The following TNFRSF9 variants were observed in gnomAD, a reference collection of about 807,000 sequenced individuals.
TNFRSF9 encodes tumor necrosis factor receptor superfamily member 9.
A neutral mutation model predicts 28.8 loss-of-function variants in TNFRSF9; 16 were observed. The ratio of observed to expected loss-of-function variants is 0.55; its 90% CI spans 0.38 to 0.84. TNFRSF9 has a LOEUF of 0.84. Ranked by LOEUF, TNFRSF9 falls within the 40% of genes least tolerant of loss-of-function variation. The pLI, the probability that TNFRSF9 is intolerant of heterozygous loss-of-function variation, is 0.00. For synonymous variants in TNFRSF9, 131 were observed against 117.0 expected (o/e 1.12, Z -0.77); for missense variants, 303 against 315.0 (o/e 0.96, Z 0.29).
chr1:7,928,962 C>T (rs9658012), intron 7 of TNFRSF9, among the ~76,000 whole-genome samples: 19,068 of 151,832 alleles, frequency 0.13, 1,542 homozygotes, highest in Non-Finnish European at 0.16. Context: ...CAGGGAAGGC[C>T]GTGAAGGGGG....
At position 7,920,663 on chromosome 1, in the gene TNFRSF9, AGTG is replaced by A; in HGVS notation, c.*169_*171del. Reference sequence around the variant, plus strand: ...GAGACCCTGTCAAAAAAAAAAAAAAAGTGGTGCATTTTTAAAGGCCAACTCATT... The same window carrying A: ...GAGACCCTGTCAAAAAAAAAAAAAAAGTGCATTTTTAAAGGCCAACTCATT... On this transcript the variant is annotated 3_prime_UTR_variant, in exon 8 of 8. Transcript: ENST00000377507. 3 of 560,510 alleles carry A rather than the reference AGTG, an allele frequency of 5.4e-6. No individual in the cohort carries two copies. The highest frequency in any genetic ancestry group is 3.1e-5 in the East Asian group (1 of 31,976). The allele number at this position is 560,510 out of a possible 1,614,324, so 34.7% of individuals were successfully genotyped here. A position where few individuals can be genotyped will look rare whatever the true frequency, so the allele number is the denominator to read the frequency against.
chr1:7,940,459 C>T (rs76594232), intron 1 of TNFRSF9, among the ~76,000 whole-genome samples: 1 of 152,172 alleles, frequency 6.6e-6, no homozygotes, highest in African/African-American at 2.4e-5. Flanking sequence ...GGGCATCAGA[C>T]AATTCAGTTC....
chr1:7,929,965 A>AT (rs1639708831), intron 7 of TNFRSF9, among the ~76,000 whole-genome samples: 1 of 88,138 alleles, frequency 1.1e-5, no homozygotes, highest in African/African-American at 4.4e-5. Flanking sequence ...ACGACCTAAA[A>AT]CCTTTTTTTT....
intron 5 of TNFRSF9, 41 bp from the exon 6 acceptor site, chr1:7,935,184 G>A: frequency 1.3e-6 from 2 of 1,596,448 alleles, no homozygotes; most frequent in Non-Finnish European, 1.7e-6. Context: ...AATTAACTTA[G>A]GTCCAGAAGA....
intron 4 of TNFRSF9, 31 bp downstream of exon 4, chr1:7,938,162 A>C (rs769048069): frequency 6.5e-7 from 1 of 1,534,112 alleles, no homozygotes; most frequent in Non-Finnish European, 8.8e-7. Context: ...ATGTCACAAA[A>C]CTACACTAGA....
chr1:7,934,255 T>A (rs1031479945), intron 6 of TNFRSF9, among the ~76,000 whole-genome samples: 1 of 151,510 alleles, frequency 6.6e-6, no homozygotes, highest in African/African-American at 2.4e-5. Flanking sequence ...TGAGTGCCTA[T>A]AGTCCCAGCT....
intron 6 of TNFRSF9, among the ~76,000 whole-genome samples, chr1:7,934,546 TA>T (rs1213542508): frequency 6.8e-6 from 1 of 147,440 alleles, no homozygotes; most frequent in Non-Finnish European, 1.5e-5. Context: ...TCATCTCTAC[TA>T]AAAATACAAA....
At chr1:7,922,123 A>C (rs771363827) in intron 7 of TNFRSF9, 2 of 152,246 alleles carry the variant, frequency 1.3e-5, no homozygotes, top group Non-Finnish European at 2.9e-5. Context: ...AATCCTAAGC[A>C]GATATTTATT....
At chr1:7,931,295 C>T (rs1229715574) in intron 7 of TNFRSF9, among the ~76,000 whole-genome samples, 3 of 152,226 alleles carry the variant, frequency 2.0e-5, no homozygotes, top group Admixed American at 6.5e-5. Context: ...GCCAGAAACA[C>T]GTGTTTACGT....
chr1:7,935,208 C>A, intron 5 of TNFRSF9, 65 bp from the exon 6 acceptor site: 1 of 1,559,156 alleles, frequency 6.4e-7, no homozygotes, highest in Non-Finnish European at 8.7e-7. Flanking sequence ...TGGTTTAAAA[C>A]TTTGTCATTT....
intron 7 of TNFRSF9, among the ~76,000 whole-genome samples, chr1:7,928,229 C>T (rs560204245): frequency 6.6e-5 from 10 of 152,308 alleles, no homozygotes; most frequent in African/African-American, 1.9e-4. Flanking sequence ...GAAAATAGTT[C>T]GACAACTTCT....
At chr1:7,922,798 C>G (rs139396881) in intron 7 of TNFRSF9, among the ~76,000 whole-genome samples, 21 of 151,326 alleles carry the variant, frequency 1.4e-4, no homozygotes, top group Admixed American at 8.6e-4. Flanking sequence ...GGCAACAGAG[C>G]AAGACTCCAT....
rs138987053 is a variant in TNFRSF9 at position 7,939,032 on chromosome 1, A to G, written c.101-204T>C. Among the ~76,000 whole-genome samples, 1,154 of 152,334 alleles carry G rather than the reference A, an allele frequency of 7.6e-3. 9 individuals carry two copies. Among genetic ancestry groups the G allele is most frequent in the Non-Finnish European group, 0.011 (758 of 68,030 alleles). On this transcript the variant is annotated intron_variant, in intron 2 of 7. Transcript: ENST00000377507. ...GTAATCACAGAATTAGAAATAACAA[A>G]ATACAGGCCAGGTGCAGTGGCTCAC...
intron 2 of TNFRSF9, among the ~76,000 whole-genome samples, chr1:7,939,083 G>A (rs912497830): frequency 2.6e-5 from 4 of 152,146 alleles, no homozygotes; most frequent in Admixed American, 1.3e-4. Flanking sequence ...ACTTTGGGAG[G>A]CCGAAGCGGG....
At chr1:7,927,075 T>C (rs1639666835) in intron 7 of TNFRSF9, among the ~76,000 whole-genome samples, 1 of 151,530 alleles carries the variant, frequency 6.6e-6, no homozygotes, top group Admixed American at 6.6e-5. Context: ...AAAAAAAAAT[T>C]ACCCAGGCAT....
In TNFRSF9 at chr1:7,938,376, CA is replaced by C. The variant is rs758294752; in HGVS notation, c.209-47del. 1.5e-5 allele frequency: 22 copies of C among 1,510,744 alleles called. No homozygotes were observed. In the Middle Eastern group the frequency reaches 1.8e-3, roughly 122 times the overall value. 93.6% of individuals were successfully genotyped at this position (1,510,744 alleles called of 1,614,324 possible). A position where few individuals can be genotyped will look rare whatever the true frequency, so the allele number is the denominator to read the frequency against. On this transcript the variant is annotated intron_variant, in intron 3 of 7. Coordinates refer to ENST00000377507, the MANE Select transcript of TNFRSF9 (RefSeq NM_001561.6). Reference sequence around the variant, plus strand: ...CCAACATTTTATTACACTTGACCTCCAAATCCAGGAAGCGAATTTATGCTCT... The same window carrying C: ...CCAACATTTTATTACACTTGACCTCCAATCCAGGAAGCGAATTTATGCTCT...
At chr1:7,925,015 T>A (rs1037393639) in intron 7 of TNFRSF9, among the ~76,000 whole-genome samples, 47 of 152,060 alleles carry the variant, frequency 3.1e-4, no homozygotes, top group South Asian at 2.3e-3. Flanking sequence ...TTAAAAAAAA[T>A]TTTTTTTAAG....
intron 6 of TNFRSF9, 71 bp downstream of exon 6, chr1:7,934,942 T>A: frequency 1.0e-5 from 16 of 1,583,082 alleles, no homozygotes; most frequent in Non-Finnish European, 1.4e-5. Flanking sequence ...ATCATGATAT[T>A]GGGGCAATTT....
At chr1:7,932,618 A>G (rs886259784) in intron 7 of TNFRSF9, among the ~76,000 whole-genome samples, 12 of 151,944 alleles carry the variant, frequency 7.9e-5, no homozygotes, top group African/African-American at 2.4e-4. Context: ...ACATAGAGGG[A>G]ACATGGTTTT....
Sources: gnomAD v4.1 joint callset for allele counts (sites outside exome capture counted in the v4.1 genomes callset) on GRCh38, gnomAD v4.1.1 for gene constraint, MANE v1.5 for transcripts, NCBI Gene and HGNC (gene_info 2026-07-23, HGNC 2026-07-21) for gene names.